WIPF3: variants seen among roughly 807,000 people sequenced by gnomAD.
WIPF3 encodes the protein WAS/WASL interacting protein family member 3.
In WIPF3, 33 loss-of-function variants were observed where a neutral mutation model predicts 38.9. The ratio of observed to expected loss-of-function variants is 0.85; its 90% confidence interval spans 0.64 to 1.14. The LOEUF (loss-of-function observed/expected upper bound fraction) is 1.14. Ranked by LOEUF, WIPF3 falls within the 50% of genes most tolerant of loss-of-function variation. WIPF3 has a pLI of 0.00. For synonymous variants in WIPF3, 324 were observed against 269.3 expected, an observed-to-expected ratio of 1.20 and a Z score of -1.99; for missense variants, 711 against 652.5, an observed-to-expected ratio of 1.09 and a Z score of -0.98.
chr7:29,884,404 C>A lies in WIPF3; in HGVS notation c.910C>A (p.Pro304Thr). The A allele has an allele frequency of 1.3e-6, 2 of 1,488,834 alleles. No individual in the cohort carries two copies. Among genetic ancestry groups the A allele is most frequent in the East Asian group, 5.4e-5 (2 of 36,934 alleles). The allele number at this position is 1,488,834 out of a possible 1,614,324, so 92.2% of individuals were successfully genotyped here. ...PPLPPYASCSPRASLPAPPLP... is the reference protein window; with the variant it reads ...PPLPPYASCSTRASLPAPPLP... ...GCTCCCCCCTTATGCTTCTTGCTCC[C>A]CGAGGGCTTCTTTGCCCGCGCCCCC... The change falls in exon 5 of 9, where the codon CCG (proline) becomes ACG (threonine). Residue 304 changes from proline (P) to threonine (T), a missense_variant. Transcript: ENST00000242140.
At chr7:29,838,241 G>A (rs59591051) in intron 2 of WIPF3, among the ~76,000 whole-genome samples, 24,594 of 152,000 alleles carry the variant, frequency 0.16, 2,168 homozygotes, top group African/African-American at 0.2. Flanking sequence ...TTTAAATGTT[G>A]GCTGGAGTAT....
At chr7:29,819,186 G>T (rs1342192051) in intron 1 of WIPF3, among the ~76,000 whole-genome samples, 1 of 151,914 alleles carries the variant, frequency 6.6e-6, no homozygotes, top group Non-Finnish European at 1.5e-5. Context: ...GTGGATCTTT[G>T]ACAACTTTCA....
At chr7:29,882,984 G>T (rs1371885256) in intron 4 of WIPF3, among the ~76,000 whole-genome samples, 1 of 152,228 alleles carries the variant, frequency 6.6e-6, no homozygotes, top group Non-Finnish European at 1.5e-5. Context: ...TCTTATTAGA[G>T]AGAGGCAGAG....
chr7:29,847,080 A>T (rs1307561421), intron 2 of WIPF3, among the ~76,000 whole-genome samples: 1 of 152,242 alleles, frequency 6.6e-6, no homozygotes, highest in African/African-American at 2.4e-5. Flanking sequence ...CCTGAACAGG[A>T]GTATAGCAGG....
intron 2 of WIPF3, among the ~76,000 whole-genome samples, chr7:29,875,554 G>A (rs1729747971): frequency 6.6e-6 from 1 of 152,128 alleles, no homozygotes; most frequent in South Asian, 2.1e-4. Flanking sequence ...AGAGGAAAGA[G>A]GGGCTATGAT....
intron 7 of WIPF3, among the ~76,000 whole-genome samples, chr7:29,895,544 C>T (rs1786123535): frequency 6.6e-6 from 1 of 152,196 alleles, no homozygotes; most frequent in African/African-American, 2.4e-5. Flanking sequence ...TTAGTTTGTT[C>T]TCACATTGTT....
At chr7:29,851,225 G>GA (rs1435206289) in intron 2 of WIPF3, among the ~76,000 whole-genome samples, 1 of 152,156 alleles carries the variant, frequency 6.6e-6, no homozygotes, top group African/African-American at 2.4e-5. Flanking sequence ...ACTGGAGGTG[G>GA]GGGACGGAGA....
At chr7:29,909,766 C>T (rs1459267454) in intron 8 of WIPF3, among the ~76,000 whole-genome samples, 8 of 151,706 alleles carry the variant, frequency 5.3e-5, no homozygotes, top group African/African-American at 1.2e-4. Context: ...TATGGTGGTG[C>T]GTGGCTGTAG....
chr7:29,850,943 G>A (rs887775456), intron 2 of WIPF3, among the ~76,000 whole-genome samples: 1 of 152,190 alleles, frequency 6.6e-6, no homozygotes, highest in African/African-American at 2.4e-5. Flanking sequence ...TACCTTTATG[G>A]GGTTGTAAAG....
chr7:29,888,477 C>CTGTGTG (rs1310735882), intron 6 of WIPF3, among the ~76,000 whole-genome samples: 2 of 138,698 alleles, frequency 1.4e-5, no homozygotes, highest in African/African-American at 5.7e-5. Context: ...AGCATTTAAA[C>CTGTGTG]TGTGTGAGTG....
chr7:29,903,662 C>T (rs1786332175), intron 7 of WIPF3, among the ~76,000 whole-genome samples: 1 of 150,810 alleles, frequency 6.6e-6, no homozygotes, highest in Non-Finnish European at 1.5e-5. Flanking sequence ...AAACATGTAT[C>T]TGTATATATA....
At chr7:29,867,038 G>A (rs1346048015) in intron 2 of WIPF3, among the ~76,000 whole-genome samples, 3 of 152,234 alleles carry the variant, frequency 2.0e-5, no homozygotes, top group Admixed American at 2.0e-4. Context: ...TTATAGAATT[G>A]TTCAGGGCCT....
At chr7:29,846,689 G>A (rs746163723) in intron 2 of WIPF3, among the ~76,000 whole-genome samples, 1 of 152,226 alleles carries the variant, frequency 6.6e-6, no homozygotes, top group Non-Finnish European at 1.5e-5. Flanking sequence ...GAAGACAAGA[G>A]CAAAACTCTG....
In WIPF3 at chr7:29,895,237, GT is replaced by G. The variant is rs34141134; in HGVS notation, c.1351+5839del. ...TGGGTGAGCCACCGCACCCAGCCTA[GT>G]TTTTTTTTCCTAATGTTTTTAAAAT... is the stretch of plus-strand genomic sequence containing the variant. On this transcript the variant is annotated intron_variant, in intron 7 of 8. Transcript: ENST00000242140. Among the ~76,000 whole-genome samples the G allele has an allele frequency of 7.3e-5, 11 of 151,496 alleles. No homozygotes were observed. The East Asian group carries it at 1.2e-3, about 16-fold the overall frequency.
intron 7 of WIPF3, among the ~76,000 whole-genome samples, chr7:29,898,710 C>T (rs1458841608): frequency 6.6e-6 from 1 of 152,154 alleles, no homozygotes; most frequent in African/African-American, 2.4e-5. Context: ...CCTTCTGATA[C>T]CTGGTTCTGA....
intron 1 of WIPF3, among the ~76,000 whole-genome samples, chr7:29,818,961 T>A (rs1385831086): frequency 6.6e-6 from 1 of 152,216 alleles, no homozygotes; most frequent in Non-Finnish European, 1.5e-5. Flanking sequence ...TAAACCCTAC[T>A]TGGTTGGCGT....
At chr7:29,870,777 C>T (rs542116902) in intron 2 of WIPF3, among the ~76,000 whole-genome samples, 4 of 152,124 alleles carry the variant, frequency 2.6e-5, no homozygotes, top group South Asian at 2.1e-4. Flanking sequence ...GCCAACATGG[C>T]GAAACCCCAT....
At chr7:29,818,176 G>T (rs1784484433) in intron 1 of WIPF3, among the ~76,000 whole-genome samples, 1 of 152,078 alleles carries the variant, frequency 6.6e-6, no homozygotes. Context: ...TTCCGGCCAG[G>T]CACAGTGGCT....
chr7:29,842,786 G>T (rs764059993), intron 2 of WIPF3, among the ~76,000 whole-genome samples: 2 of 152,174 alleles, frequency 1.3e-5, no homozygotes, highest in Non-Finnish European at 2.9e-5. Flanking sequence ...GGGTCGCTAG[G>T]TGGAAGGGTG....
Sources: gnomAD v4.1 joint callset for allele counts (sites outside exome capture counted in the v4.1 genomes callset) on GRCh38, gnomAD v4.1.1 for gene constraint, MANE v1.5 for transcripts, NCBI Gene and HGNC (gene_info 2026-07-23, HGNC 2026-07-21) for gene names.